Variants in GTF2F2 observed in about 807,000 individuals in gnomAD.
The protein encoded by GTF2F2 is ATP-dependent helicase GTF2F2.
A neutral mutation model predicts 42.2 loss-of-function variants in GTF2F2; 23 were observed. That is an observed-to-expected ratio of 0.55 (90% confidence interval 0.39 to 0.77). The LOEUF is 0.77. Among genes scored for constraint, GTF2F2 ranks in the 30% least tolerant of loss-of-function variants. GTF2F2 has a pLI of 0.00. For synonymous variants in GTF2F2, 105 were observed against 100.8 expected (o/e 1.04, Z -0.25); for missense variants, 261 against 287.2 (o/e 0.91, Z 0.66).
chr13:45,222,504 C>T (rs1466736351), intron 5 of GTF2F2, among the ~76,000 whole-genome samples: 2 of 152,120 alleles, frequency 1.3e-5, no homozygotes, highest in Non-Finnish European at 2.9e-5. Context: ...TTTAGTATAA[C>T]ATATCATGAT....
intron 4 of GTF2F2, among the ~76,000 whole-genome samples, chr13:45,173,369 C>CTG (rs374858973): frequency 0.19 from 28,436 of 147,290 alleles, 2,883 homozygotes; most frequent in Non-Finnish European, 0.24. Context: ...TTGTACTTAA[C>CTG]TGTGTGTGTG....
At chr13:45,221,893 C>G (rs1393141325) in intron 5 of GTF2F2, among the ~76,000 whole-genome samples, 9 of 152,156 alleles carry the variant, frequency 5.9e-5, no homozygotes, top group Non-Finnish European at 1.3e-4. Flanking sequence ...AGTCCCATCT[C>G]AGGGCCCTTC....
At chr13:45,144,129 A>G (rs888742980) in intron 2 of GTF2F2, among the ~76,000 whole-genome samples, 5 of 151,926 alleles carry the variant, frequency 3.3e-5, no homozygotes, top group African/African-American at 1.2e-4. Flanking sequence ...GTGTGTGGCT[A>G]TAATCCCAGC....
At chr13:45,255,166 C>CAA (rs55795620) in intron 6 of GTF2F2, among the ~76,000 whole-genome samples, 480 of 74,754 alleles carry the variant, frequency 6.4e-3, no homozygotes, top group East Asian at 0.017. Flanking sequence ...GACTTTGTCT[C>CAA]AAAAAAAAAA....
At chr13:45,214,899 C>G (rs576237060) in intron 5 of GTF2F2, among the ~76,000 whole-genome samples, 1 of 150,446 alleles carries the variant, frequency 6.6e-6, no homozygotes, top group African/African-American at 2.5e-5. Context: ...TTTTTGACTT[C>G]TGTATGTTTA....
chr13:45,191,220 A>ATATATATATATATAT lies in GTF2F2; in HGVS notation c.305-16204_305-16203insTATATATATATATAT, dbSNP rs1555267754. 5.3e-5 allele frequency among the ~76,000 whole-genome samples: 4 copies of ATATATATATATATAT among 75,206 alleles called. No homozygotes were observed. The South Asian group carries it at 1.1e-3, about 20-fold the overall frequency. 49.3% of individuals were successfully genotyped at this position (75,206 alleles called of 152,430 possible). On this transcript the variant is annotated intron_variant, in intron 4 of 7. Coordinates refer to ENST00000340473, the MANE Select transcript of GTF2F2 (RefSeq NM_004128.3). ...CCCCGTCTCTACTAAAAATACAAAA[A>ATATATATATATATAT]AAAAATATATATATATATATATATA...
intron 4 of GTF2F2, among the ~76,000 whole-genome samples, chr13:45,197,579 A>G (rs1872966867): frequency 6.6e-6 from 1 of 152,054 alleles, no homozygotes. Flanking sequence ...CCTCCAGCAA[A>G]GCAAGATGAC....
intron 4 of GTF2F2, among the ~76,000 whole-genome samples, chr13:45,198,881 A>G (rs1873036291): frequency 6.6e-6 from 1 of 152,132 alleles, no homozygotes; most frequent in Admixed American, 6.6e-5. Context: ...TTGTGTGTTA[A>G]AAATAAAAAT....
rs554596973 is a variant in GTF2F2, at chr13:45,220,545, TAA to T, written c.386+13042_386+13043del. Among the ~76,000 whole-genome samples, 469 of 151,832 alleles carry T rather than the reference TAA, an allele frequency of 3.1e-3. 2 individuals carry two copies. The highest frequency in any genetic ancestry group is 4.4e-3 in the South Asian group (21 of 4,798). On this transcript the variant is annotated intron_variant, in intron 5 of 7. Coordinates refer to ENST00000340473, the MANE Select transcript of GTF2F2 (RefSeq NM_004128.3). ...TAAGTATCAGTAGACTTTGACTAGA[TAA>T]AGAGTGGAGGGAGGGCTCCCAGGCA...
At chr13:45,134,482 G>A (rs1216656065) in intron 1 of GTF2F2, among the ~76,000 whole-genome samples, 1 of 152,160 alleles carries the variant, frequency 6.6e-6, no homozygotes, top group African/African-American at 2.4e-5. Flanking sequence ...AGCCCTTAAT[G>A]AAGCCACCTT....
At chr13:45,182,439 A>C (rs1251246532) in intron 4 of GTF2F2, among the ~76,000 whole-genome samples, 1 of 152,096 alleles carries the variant, frequency 6.6e-6, no homozygotes, top group African/African-American at 2.4e-5. Flanking sequence ...AGATGACTCT[A>C]AAATAGCGTT....
chr13:45,253,285 A>G lies in GTF2F2; in HGVS notation c.486+315A>G, dbSNP rs1875953622. ...AATGTTGCTGATGTTTTAAATTACA[A>G]TGTACTAACTAAATATTAGTTTTAC... On this transcript the variant is annotated intron_variant, in intron 6 of 7. Coordinates refer to ENST00000340473, the MANE Select transcript of GTF2F2 (RefSeq NM_004128.3). Among the ~76,000 whole-genome samples, 5 of 152,292 alleles carry G rather than the reference A, an allele frequency of 3.3e-5. No homozygotes were observed. In the South Asian group the frequency reaches 1.0e-3, roughly 32 times the overall value.
At chr13:45,149,954 C>T (rs1168713437) in intron 3 of GTF2F2, among the ~76,000 whole-genome samples, 166 bp downstream of exon 3, 3 of 152,074 alleles carry the variant, frequency 2.0e-5, no homozygotes, top group Non-Finnish European at 4.4e-5. Flanking sequence ...ATGAATGGAC[C>T]CTTTTCTAGT....
At chr13:45,222,177 A>T (rs1156924779) in intron 5 of GTF2F2, among the ~76,000 whole-genome samples, 1 of 152,198 alleles carries the variant, frequency 6.6e-6, no homozygotes, top group African/African-American at 2.4e-5. Context: ...ACCACCTAGC[A>T]TAGTGTCTCA....
chr13:45,263,807 T>G (rs1876450355), intron 6 of GTF2F2: 1 of 164,448 alleles, frequency 6.1e-6, no homozygotes, highest in Non-Finnish European at 1.3e-5. Flanking sequence ...CTCTGTAAGT[T>G]TGCTGTGCTG....
chr13:45,261,425 C>CAAAA (rs976923932), intron 6 of GTF2F2, among the ~76,000 whole-genome samples: 2,260 of 58,794 alleles, frequency 0.038, 136 homozygotes, highest in African/African-American at 0.088. Context: ...GACTCCATCT[C>CAAAA]AAAAAAAAAA....
intron 5 of GTF2F2, among the ~76,000 whole-genome samples, chr13:45,230,462 A>G (rs571160143): frequency 6.2e-4 from 95 of 152,330 alleles, no homozygotes; most frequent in African/African-American, 2.2e-3. Context: ...GGGAGGATAC[A>G]TTGAGGTACT....
intron 5 of GTF2F2, among the ~76,000 whole-genome samples, chr13:45,210,913 T>C (rs1041213972): frequency 6.6e-6 from 1 of 152,204 alleles, no homozygotes; most frequent in African/African-American, 2.4e-5. Context: ...GAAGCAGATA[T>C]AATAATCCAG....
chr13:45,173,990 G>C (rs1419874844), intron 4 of GTF2F2, among the ~76,000 whole-genome samples: 1 of 152,010 alleles, frequency 6.6e-6, no homozygotes, highest in Non-Finnish European at 1.5e-5. Context: ...TTTTCACTCA[G>C]CATAAATTCT....
Sources: gnomAD v4.1 joint callset for allele counts (sites outside exome capture counted in the v4.1 genomes callset) on GRCh38, gnomAD v4.1.1 for gene constraint, MANE v1.5 for transcripts, NCBI Gene and HGNC (gene_info 2026-07-23, HGNC 2026-07-21) for gene names.